The following GRIA3 variants were observed in gnomAD, a reference collection of about 807,000 sequenced individuals.
The protein encoded by GRIA3 is glutamate ionotropic receptor AMPA type subunit 3, also known as glutamate receptor 3.
Under a neutral mutation model 63.0 loss-of-function variants are expected in GRIA3, and 3 were observed. The ratio of observed to expected loss-of-function variants is 0.05; its 90% confidence interval spans 0.02 to 0.12. The LOEUF is 0.12. Among genes scored for constraint, GRIA3 ranks in the 10% least tolerant of loss-of-function variants. GRIA3 has a pLI of 1.00. For synonymous variants in GRIA3, 274 were observed against 257.9 expected (o/e 1.06, Z -0.60); for missense variants, 347 against 700.9 (o/e 0.50, Z 5.70).
At chrX:123,273,641 T>C (rs1405764982) in intron 3 of GRIA3, among the ~76,000 whole-genome samples, 4 of 111,725 alleles carry the variant, frequency 3.6e-5, no homozygotes, top group Non-Finnish European at 7.5e-5. Flanking sequence ...CTATCAGGCA[T>C]TGTGGCCACG....
At chrX:123,385,518 C>G (rs2045349650) in intron 5 of GRIA3, among the ~76,000 whole-genome samples, 1 of 111,879 alleles carries the variant, frequency 8.9e-6, no homozygotes, top group African/African-American at 3.2e-5. Flanking sequence ...TTATCTAGTT[C>G]TGTGAAGAAT....
intron 2 of GRIA3, among the ~76,000 whole-genome samples, chrX:123,231,808 G>T (rs1029052014): frequency 9.0e-6 from 1 of 110,901 alleles, no homozygotes; most frequent in South Asian, 3.9e-4. Context: ...AAATCCAGAC[G>T]TCTCACCCTT....
intron 2 of GRIA3, among the ~76,000 whole-genome samples, chrX:123,213,347 G>A (rs1397385095): frequency 8.9e-6 from 1 of 112,112 alleles, no homozygotes; most frequent in Non-Finnish European, 1.9e-5. Flanking sequence ...CCAGGAACTG[G>A]GCCAACTGCT....
intron 3 of GRIA3, among the ~76,000 whole-genome samples, chrX:123,318,668 AT>A (rs2044848612): frequency 9.0e-6 from 1 of 111,606 alleles, no homozygotes; most frequent in South Asian, 3.8e-4. Context: ...CACTATCAGC[AT>A]TTTTGTCAAA....
intron 4 of GRIA3, among the ~76,000 whole-genome samples, chrX:123,331,123 T>C (rs2044939298): frequency 8.9e-6 from 1 of 111,868 alleles, no homozygotes; most frequent in Non-Finnish European, 1.9e-5. Context: ...GCCTAAATTA[T>C]AGCATGTGCT....
chrX:123,350,218 T>C (rs1364983739), intron 4 of GRIA3, among the ~76,000 whole-genome samples: 1 of 111,391 alleles, frequency 9.0e-6, no homozygotes, highest in African/African-American at 3.3e-5. Context: ...GATGCCTAAA[T>C]CAAAGAGAAA....
chrX:123,242,863 A>C (rs150989305), intron 2 of GRIA3, among the ~76,000 whole-genome samples: 2,038 of 112,683 alleles, frequency 0.018, 12 homozygotes, highest in Middle Eastern at 0.033. Context: ...AACCCATCTC[A>C]GTGCAAACAC....
rs185003118 is a variant in GRIA3, at chrX:123,401,994, C to T, written c.1081-1000C>T. ...GAATCTATCTACCCTGAAGAGATGG[C>T]CTCTTGCTAATTCATAATACTGAGC... On this transcript the variant is annotated intron_variant, in intron 7 of 15. Transcript: ENST00000620443. Among the ~76,000 whole-genome samples the T allele has an allele frequency of 3.6e-5, 4 of 111,663 alleles. No homozygotes were observed. In the Admixed American group the frequency reaches 3.8e-4, roughly 11 times the overall value.
intron 2 of GRIA3, among the ~76,000 whole-genome samples, chrX:123,192,431 C>T (rs767496106): frequency 2.7e-5 from 3 of 111,316 alleles, no homozygotes; most frequent in South Asian, 7.7e-4. Context: ...TCCCTCTCAC[C>T]GTCACTAAAT....
rs142373644 is a variant in GRIA3, at chrX:123,406,686, G to A, written c.1500+1772G>A. On this transcript the variant is annotated intron_variant, in intron 10 of 15. Coordinates refer to ENST00000620443, the MANE Select transcript of GRIA3 (RefSeq NM_007325.5). ...TACGGGCCTGGAGCCATCATCTCCT[G>A]TCTTGGGTCAAGATCGGTCCTGGGA... Among the ~76,000 whole-genome samples the A allele has an allele frequency of 4.8e-4, 54 of 111,674 alleles. 1 individual carries two copies. The highest frequency in any genetic ancestry group is 1.7e-3 in the African/African-American group (52 of 30,729).
intron 5 of GRIA3, among the ~76,000 whole-genome samples, chrX:123,371,829 T>C (rs1378575763): frequency 9.0e-6 from 1 of 111,684 alleles, no homozygotes; most frequent in Non-Finnish European, 1.9e-5. Context: ...TGTGGGTTGT[T>C]TCTTCACTTT....
chrX:123,467,643 T>C (rs1037386156), intron 13 of GRIA3, among the ~76,000 whole-genome samples: 6 of 112,303 alleles, frequency 5.3e-5, no homozygotes, highest in Non-Finnish European at 1.1e-4. Context: ...TCATCATTCA[T>C]ACTCATCATG....
At chrX:123,275,936 T>C (rs1403481085) in intron 3 of GRIA3, among the ~76,000 whole-genome samples, 1 of 112,543 alleles carries the variant, frequency 8.9e-6, no homozygotes. Context: ...CCAAGGATTA[T>C]TTTATTTATA....
chrX:123,202,918 T>C, intron 2 of GRIA3: 2 of 635,530 alleles, frequency 3.1e-6, no homozygotes, highest in Admixed American at 3.3e-5. Context: ...CAAGTCAAAG[T>C]CAAGCCTACT....
chrX:123,216,673 CACT>C (rs766238145), intron 2 of GRIA3, among the ~76,000 whole-genome samples: 1 of 111,780 alleles, frequency 8.9e-6, no homozygotes, highest in African/African-American at 3.3e-5. Context: ...CCACCACCAC[CACT>C]GAGGAGAAGG....
intron 10 of GRIA3, among the ~76,000 whole-genome samples, chrX:123,415,970 A>G (rs1437206221): frequency 8.9e-6 from 1 of 111,779 alleles, no homozygotes; most frequent in East Asian, 2.8e-4. Context: ...ATGGAGTTAG[A>G]ACATTATGTT....
chrX:123,320,281 T>G (rs1490496805), intron 3 of GRIA3, among the ~76,000 whole-genome samples: 1 of 112,018 alleles, frequency 8.9e-6, no homozygotes, highest in Non-Finnish European at 1.9e-5. Context: ...ATTCATCATC[T>G]GAATGACCCC....
intron 3 of GRIA3, among the ~76,000 whole-genome samples, chrX:123,302,981 T>A (rs960369131): frequency 1.8e-5 from 2 of 111,661 alleles, no homozygotes; most frequent in Non-Finnish European, 3.8e-5. Flanking sequence ...AAATCTGAGT[T>A]TCATAGCAAA....
intron 4 of GRIA3, among the ~76,000 whole-genome samples, chrX:123,338,895 G>A (rs1206963410): frequency 8.9e-6 from 1 of 112,299 alleles, no homozygotes; most frequent in African/African-American, 3.2e-5. Flanking sequence ...GTTAATAATG[G>A]TCTAGGTACT....
Sources: allele counts gnomAD v4.1 joint callset (sites outside exome capture counted in the v4.1 genomes callset), GRCh38; gene constraint gnomAD v4.1.1; transcripts MANE v1.5; gene names NCBI Gene and HGNC (gene_info 2026-07-23, HGNC 2026-07-21).